Variants in ZBTB46 observed in about 807,000 individuals in gnomAD.
ZBTB46 encodes zinc finger and BTB domain-containing protein 46.
Under a neutral mutation model 44.1 loss-of-function variants are expected in ZBTB46, and 8 were observed. The ratio of observed to expected loss-of-function variants is 0.18; its 90% CI spans 0.11 to 0.33. The LOEUF is 0.33. Ranked by LOEUF, ZBTB46 falls within the 10% of genes least tolerant of loss-of-function variation. ZBTB46 has a pLI of 1.00. For synonymous variants in ZBTB46, 409 were observed against 382.3 expected, an observed-to-expected ratio of 1.07 and a Z score of -0.81; for missense variants, 651 against 847.7, an observed-to-expected ratio of 0.77 and a Z score of 2.88.
intron 1 of ZBTB46, chr20:63,808,106 T>C (rs1322973305): frequency 6.6e-6 from 1 of 152,294 alleles, no homozygotes. Context: ...GGAGGTGGCG[T>C]GGATGAGCAG....
chr20:63,766,901 G>A (rs528402882), intron 3 of ZBTB46, among the ~76,000 whole-genome samples: 54 of 152,186 alleles, frequency 3.5e-4, no homozygotes, highest in Non-Finnish European at 7.1e-4. Flanking sequence ...CCCCCGACAC[G>A]CCACCTTCCC....
rs1350798779 is a variant in ZBTB46 at position 63,790,104 on chromosome 20, A to G, written c.654T>C (p.Pro218=). The change falls in exon 2 of 5, where the codon CCT becomes CCC. Residue 218 remains proline, a synonymous_variant. Coordinates refer to ENST00000245663, the MANE Select transcript of ZBTB46 (RefSeq NM_001369741.1). ...GCAGAGGCCCGTAGCCCACGTCTCC[A>G]GGCCATAGAGGCTGTGAAGAAACAT... is the stretch of plus-strand genomic sequence containing the variant. ...PDDVSSQPLW[P]GDVGYGPLRI... The G allele has an allele frequency of 1.2e-6, 2 of 1,614,006 alleles. No homozygotes were observed. Among genetic ancestry groups the G allele is most frequent in the South Asian group, 1.1e-5 (1 of 91,074 alleles).
intron 3 of ZBTB46, among the ~76,000 whole-genome samples, chr20:63,774,380 G>T (rs950802242): frequency 6.6e-6 from 1 of 152,230 alleles, no homozygotes; most frequent in Non-Finnish European, 1.5e-5. Flanking sequence ...TAAAGAAACA[G>T]AGAAACAGAT....
chr20:63,750,772 G>A (rs2092152565), intron 4 of ZBTB46, among the ~76,000 whole-genome samples: 1 of 152,036 alleles, frequency 6.6e-6, no homozygotes, highest in South Asian at 2.1e-4. Context: ...GCATGTTGGT[G>A]CACACCTGTA....
chr20:63,819,046 G>A (rs1012130796), intron 1 of ZBTB46, among the ~76,000 whole-genome samples: 15 of 150,922 alleles, frequency 9.9e-5, no homozygotes, highest in Non-Finnish European at 1.5e-4. Flanking sequence ...GGTGGTGTGC[G>A]CCTGTAATCC....
chr20:63,823,669 G>C (rs56123801), intron 1 of ZBTB46, among the ~76,000 whole-genome samples: 1 of 152,050 alleles, frequency 6.6e-6, no homozygotes, highest in East Asian at 1.9e-4. Context: ...CTGCACTCCA[G>C]CCTGGGCAAC....
At chr20:63,778,753 A>C (rs2092445175) in intron 2 of ZBTB46, among the ~76,000 whole-genome samples, 1 of 152,176 alleles carries the variant, frequency 6.6e-6, no homozygotes, top group South Asian at 2.1e-4. Flanking sequence ...ATATTTTTTT[A>C]CAAATCCCTC....
chr20:63,758,888 C>T (rs910202464), intron 3 of ZBTB46, among the ~76,000 whole-genome samples: 18 of 141,896 alleles, frequency 1.3e-4, no homozygotes, highest in Non-Finnish European at 2.4e-4. Context: ...CCCGCCACCA[C>T]GCCCGGCTAA....
In ZBTB46 at chr20:63,767,268, C is replaced by T. The variant is rs546860380; in HGVS notation, c.1222+8410G>A. Reference sequence around the variant, plus strand: ...TCCCACGGATGGGGACATGTTTTCCCGCCCCTGAAAGCCCCCCGTCCCCAC... The same window carrying T: ...TCCCACGGATGGGGACATGTTTTCCTGCCCCTGAAAGCCCCCCGTCCCCAC... On this transcript the variant is annotated intron_variant, in intron 3 of 4. Coordinates refer to ENST00000245663, the MANE Select transcript of ZBTB46 (RefSeq NM_001369741.1). The surrounding 1 kb of genome is among the most constrained non-coding windows in gnomAD (Gnocchi z 5.0). Among the ~76,000 whole-genome samples the T allele has an allele frequency of 4.6e-5, 7 of 152,180 alleles. No homozygotes were observed. The highest frequency in any genetic ancestry group is 9.6e-5 in the African/African-American group (4 of 41,522).
chr20:63,759,767 A>G (rs2145795989), intron 3 of ZBTB46, among the ~76,000 whole-genome samples: 1 of 152,246 alleles, frequency 6.6e-6, no homozygotes, highest in East Asian at 1.9e-4. Context: ...ATTAACCAAA[A>G]GGTTAACTTT....
At chr20:63,780,495 A>C (rs558192380) in intron 2 of ZBTB46, among the ~76,000 whole-genome samples, 5 of 151,966 alleles carry the variant, frequency 3.3e-5, no homozygotes, top group Non-Finnish European at 5.9e-5. Context: ...AAAACTCAAG[A>C]AAAACCATAG....
In ZBTB46 at chr20:63,745,866, G is replaced by A. The variant is rs190510943; in HGVS notation, c.*1064C>T. 4 of 152,608 alleles carry A rather than the reference G, an allele frequency of 2.6e-5. No individual in the cohort carries two copies. Among genetic ancestry groups the A allele is most frequent in the Admixed American group, 6.5e-5 (1 of 15,306 alleles). The allele number at this position is 152,608 out of a possible 1,614,324, so 9.5% of individuals were successfully genotyped here. ...AGTGCTTCTGAAAACACAGCAAGAGGACTTGAGCACAAGCTAAAGGAAAAA... is the reference window on the plus strand; with the variant it reads ...AGTGCTTCTGAAAACACAGCAAGAGAACTTGAGCACAAGCTAAAGGAAAAA... On this transcript the variant is annotated 3_prime_UTR_variant, in exon 5 of 5. Transcript: ENST00000245663.
At chr20:63,833,884 A>G (rs1365594161), upstream of ZBTB46, among the ~76,000 whole-genome samples, 1 of 152,246 alleles carries the variant, frequency 6.6e-6, no homozygotes, top group Non-Finnish European at 1.5e-5. Context: ...TTACTATTTA[A>G]AAGAAAAACA....
chr20:63,831,932 G>T (rs1269081157), upstream of ZBTB46, among the ~76,000 whole-genome samples: 1 of 151,960 alleles, frequency 6.6e-6, no homozygotes, highest in East Asian at 1.9e-4. Flanking sequence ...AAGGGCCTGG[G>T]CACCGCGCGC....
At chr20:63,833,871 C>T (rs2146127491), upstream of ZBTB46, among the ~76,000 whole-genome samples, 1 of 152,330 alleles carries the variant, frequency 6.6e-6, no homozygotes, top group Non-Finnish European at 1.5e-5. Flanking sequence ...CTGATAAACC[C>T]CATTACTATT....
Position 63,767,739 on chromosome 20 carries a change from G to C in ZBTB46, c.1222+7939C>G, listed in dbSNP as rs55728449. On this transcript the variant is annotated intron_variant, in intron 3 of 4. Transcript: ENST00000245663. This position sits in a 1 kb window ranked among gnomAD's most constrained non-coding sequence, Gnocchi z 5.0. ...TCACAGAGCTCCTTAGCTGGCCTCAGGGTAAAGCTGTCAGCGCCCAAGGAG... is the reference window on the plus strand; with the variant it reads ...TCACAGAGCTCCTTAGCTGGCCTCACGGTAAAGCTGTCAGCGCCCAAGGAG... Among the ~76,000 whole-genome samples, 473 of 152,366 alleles carry C rather than the reference G, an allele frequency of 3.1e-3. 3 individuals carry two copies. Among genetic ancestry groups the C allele is most frequent in the African/African-American group, 0.011 (466 of 41,588 alleles).
intron 4 of ZBTB46, among the ~76,000 whole-genome samples, chr20:63,751,864 G>A (rs898160403): frequency 2.0e-5 from 3 of 151,682 alleles, no homozygotes; most frequent in Non-Finnish European, 4.4e-5. Context: ...CCCCCCGGTG[G>A]GTCTCCCGGT....
intron 3 of ZBTB46, among the ~76,000 whole-genome samples, chr20:63,758,734 CTTTT>C (rs34323440): frequency 7.4e-5 from 10 of 134,994 alleles, no homozygotes; most frequent in Admixed American, 1.5e-4. Flanking sequence ...AGAGTCACAT[CTTTT>C]TTTTTTTTTT....
chr20:63,815,700 GGTGGGCGCAGGTCGA>G (rs1179225549), intron 1 of ZBTB46, among the ~76,000 whole-genome samples: 2 of 147,926 alleles, frequency 1.4e-5, no homozygotes, highest in Non-Finnish European at 3.0e-5. Flanking sequence ...TGCAGGTGCA[GGTGGGCGCAGGTCGA>G]GTGGGTGCAG....
Sources: gnomAD v4.1 joint callset for allele counts (sites outside exome capture counted in the v4.1 genomes callset) on GRCh38, gnomAD v4.1.1 for gene constraint, Gnocchi (gnomAD v3.1) non-coding constraint, MANE v1.5 for transcripts, NCBI Gene and HGNC (gene_info 2026-07-23, HGNC 2026-07-21) for gene names.